The following IL1RAPL1 variants were observed in gnomAD, a reference collection of about 807,000 sequenced individuals.
IL1RAPL1 encodes the protein interleukin-1 receptor accessory protein-like 1.
IL1RAPL1 carries 3 observed loss-of-function variants against 48.4 expected under a neutral mutation model. The observed-to-expected ratio is 0.06, with a 90% CI of 0.03 to 0.16. IL1RAPL1 has a LOEUF of 0.16. Among genes scored for constraint, IL1RAPL1 ranks in the 10% least tolerant of loss-of-function variants. The pLI is 1.00. For synonymous variants in IL1RAPL1, 185 were observed against 187.7 expected (o/e 0.99, Z 0.12); for missense variants, 349 against 530.6 (o/e 0.66, Z 3.36).
At chrX:29,005,655 CTG>C (rs1418735901) in intron 2 of IL1RAPL1, among the ~76,000 whole-genome samples, 3 of 111,417 alleles carry the variant, frequency 2.7e-5, no homozygotes, top group African/African-American at 9.8e-5. Context: ...TATGGTTTGT[CTG>C]TGTTTGCGAG....
At chrX:29,842,263 T>C (rs1414248630) in intron 6 of IL1RAPL1, among the ~76,000 whole-genome samples, 2 of 112,233 alleles carry the variant, frequency 1.8e-5, no homozygotes, top group African/African-American at 3.2e-5. Flanking sequence ...CATTTTAGGA[T>C]TCCAGCTGAA....
intron 5 of IL1RAPL1, among the ~76,000 whole-genome samples, chrX:29,440,512 G>T (rs925249971): frequency 9.0e-6 from 1 of 111,655 alleles, no homozygotes; most frequent in East Asian, 2.8e-4. Context: ...TGTCAAAATG[G>T]TTTGAATTCA....
chrX:28,912,907 C>T (rs1364392164), intron 2 of IL1RAPL1, among the ~76,000 whole-genome samples: 2 of 111,153 alleles, frequency 1.8e-5, no homozygotes, highest in Admixed American at 1.9e-4. Flanking sequence ...TTTTGTCATC[C>T]AGAGTGTTTC....
At chrX:29,920,937 C>G (rs1179492827) in intron 8 of IL1RAPL1, among the ~76,000 whole-genome samples, 2 of 109,378 alleles carry the variant, frequency 1.8e-5, no homozygotes, top group Non-Finnish European at 3.8e-5. Flanking sequence ...GAATTCCCCA[C>G]TGCAGTATTT....
At position 29,550,348 on chromosome X, in the gene IL1RAPL1, C is replaced by T. The variant is rs929397002; in HGVS notation, c.704-118082C>T. ...CTGGGACTACAGGCGCCCGCCACCA[C>T]GCCCGGCTAATTCTTTTTTGTATTT... On this transcript the variant is annotated intron_variant, in intron 5 of 10. Coordinates refer to ENST00000378993, the MANE Select transcript of IL1RAPL1 (RefSeq NM_014271.4). Among the ~76,000 whole-genome samples the T allele has an allele frequency of 4.5e-5, 5 of 110,690 alleles. No individual in the cohort carries two copies. In the South Asian group the frequency reaches 1.2e-3, roughly 26 times the overall value.
At chrX:29,847,188 G>A (rs1931267704) in intron 6 of IL1RAPL1, among the ~76,000 whole-genome samples, 1 of 112,055 alleles carries the variant, frequency 8.9e-6, no homozygotes, top group African/African-American at 3.2e-5. Flanking sequence ...ACCACGAGCA[G>A]AGGAATGGTC....
intron 5 of IL1RAPL1, among the ~76,000 whole-genome samples, chrX:29,459,283 A>G: frequency 8.9e-6 from 1 of 112,206 alleles, no homozygotes; most frequent in Non-Finnish European, 1.9e-5. Context: ...TCGTTATGGC[A>G]GAAATATAGA....
chrX:29,030,933 C>A (rs924045401), intron 2 of IL1RAPL1, among the ~76,000 whole-genome samples: 24 of 111,719 alleles, frequency 2.1e-4, no homozygotes, highest in African/African-American at 7.1e-4. Flanking sequence ...ATTTCCCCCC[C>A]ATTTCTTCAT....
chrX:28,837,476 G>A, intron 2 of IL1RAPL1, among the ~76,000 whole-genome samples: 1 of 109,930 alleles, frequency 9.1e-6, no homozygotes. Context: ...TGTAGTTTGG[G>A]AATAGCGGAA....
intron 2 of IL1RAPL1, among the ~76,000 whole-genome samples, chrX:28,815,491 A>T (rs149851494): frequency 1.8e-5 from 2 of 108,922 alleles, no homozygotes; most frequent in African/African-American, 6.6e-5. Context: ...AGATATTTTG[A>T]AATGTATAAT....
intron 6 of IL1RAPL1, among the ~76,000 whole-genome samples, chrX:29,865,132 A>T (rs1472747857): frequency 8.9e-6 from 1 of 111,964 alleles, no homozygotes; most frequent in Non-Finnish European, 1.9e-5. Flanking sequence ...AACAAAAAAG[A>T]CCGATGTCAC....
rs142373792 is a variant in IL1RAPL1, at chrX:28,636,141, C to A, written c.-25+48094C>A. On this transcript the variant is annotated intron_variant, in intron 1 of 10. Transcript: ENST00000378993. ...GTTTAGATGTGGCATTATTTTCCCA[C>A]CTGGAATGTCATCTCTTTCTTTTAT... Among the ~76,000 whole-genome samples the A allele has an allele frequency of 1.0e-2, 1,120 of 112,099 alleles. 18 individuals carry two copies. Among genetic ancestry groups the A allele is most frequent in the African/African-American group, 0.034 (1,058 of 30,886 alleles).
chrX:28,670,172 C>T (rs1262819835), intron 1 of IL1RAPL1, among the ~76,000 whole-genome samples: 1 of 111,711 alleles, frequency 9.0e-6, no homozygotes, highest in Non-Finnish European at 1.9e-5. Context: ...TGGTCACCCG[C>T]TTTAAAGCAA....
At chrX:29,788,520 C>G (rs891806411) in intron 6 of IL1RAPL1, among the ~76,000 whole-genome samples, 2 of 110,725 alleles carry the variant, frequency 1.8e-5, no homozygotes, top group African/African-American at 6.6e-5. Context: ...TTCTTTTTTC[C>G]CTTTCATTTT....
chrX:28,600,626 G>C (rs1179538305), intron 1 of IL1RAPL1, among the ~76,000 whole-genome samples: 1 of 110,917 alleles, frequency 9.0e-6, no homozygotes. Flanking sequence ...GAGGAATATT[G>C]AAAGTTGGCG....
At chrX:29,106,517 C>T (rs1045729143) in intron 2 of IL1RAPL1, among the ~76,000 whole-genome samples, 2 of 111,518 alleles carry the variant, frequency 1.8e-5, no homozygotes, top group East Asian at 5.6e-4. Context: ...AGGATATTTT[C>T]TTGACTTGTG....
intron 1 of IL1RAPL1, among the ~76,000 whole-genome samples, chrX:28,602,215 A>G (rs1934035903): frequency 9.0e-6 from 1 of 111,500 alleles, no homozygotes; most frequent in Non-Finnish European, 1.9e-5. Flanking sequence ...ATGGACCTAT[A>G]TATTTTATTG....
At chrX:29,447,443 A>G (rs886988198) in intron 5 of IL1RAPL1, among the ~76,000 whole-genome samples, 1 of 111,823 alleles carries the variant, frequency 8.9e-6, no homozygotes, top group African/African-American at 3.2e-5. Flanking sequence ...TACAATTGAT[A>G]TATGTATTAT....
chrX:29,711,542 G>T (rs1042873795), intron 6 of IL1RAPL1, among the ~76,000 whole-genome samples: 1 of 111,358 alleles, frequency 9.0e-6, no homozygotes, highest in African/African-American at 3.3e-5. Context: ...TATATTTACA[G>T]ATATAAATTT....
Sources: gnomAD v4.1 joint callset for allele counts (sites outside exome capture counted in the v4.1 genomes callset) on GRCh38, gnomAD v4.1.1 for gene constraint, MANE v1.5 for transcripts, NCBI Gene and HGNC (gene_info 2026-07-23, HGNC 2026-07-21) for gene names.